The following COL22A1 variants were observed in gnomAD, a reference collection of about 807,000 sequenced individuals.
COL22A1 encodes collagen alpha-1(XXII) chain.
A neutral mutation model predicts 248.9 loss-of-function variants in COL22A1; 221 were observed. The observed-to-expected ratio is 0.89, with a 90% CI of 0.80 to 0.99. The LOEUF (loss-of-function observed/expected upper bound fraction) is 0.99, where lower values mean the gene tolerates loss of function less well. Among genes scored for constraint, COL22A1 ranks in the 50% least tolerant of loss-of-function variants. The pLI is 0.00. For synonymous variants in COL22A1, 891 were observed against 793.4 expected, an observed-to-expected ratio of 1.12 and a Z score of -2.07; for missense variants, 2,240 against 2,179.0, an observed-to-expected ratio of 1.03 and a Z score of -0.56.
chr8:138,850,621 T>C (rs1821567371), intron 3 of COL22A1, among the ~76,000 whole-genome samples: 1 of 152,170 alleles, frequency 6.6e-6, no homozygotes. Flanking sequence ...GCCAGGGCCA[T>C]CTGTCCTCTC....
intron 3 of COL22A1, among the ~76,000 whole-genome samples, chr8:138,867,594 G>A (rs1822995031): frequency 6.6e-6 from 1 of 152,104 alleles, no homozygotes; most frequent in African/African-American, 2.4e-5. Flanking sequence ...GGCAGACCTG[G>A]GATTCCACTC....
chr8:138,795,528 G>GACACAC lies in COL22A1; in HGVS notation c.1596+1285_1596+1290dup, dbSNP rs6150850. 5.3e-3 allele frequency among the ~76,000 whole-genome samples: 765 copies of GACACAC among 144,872 alleles called. 11 individuals carry two copies. The highest frequency in any genetic ancestry group is 0.017 in the African/African-American group (666 of 38,930). Reference sequence around the variant, plus strand: ...CTCTGTCTCTCCTCTCTCTCTTTCAGACACACACACACACACACACACACA... The same window carrying GACACAC: ...CTCTGTCTCTCCTCTCTCTCTTTCAGACACACACACACACACACACACACACACACA... On this transcript the variant is annotated intron_variant, in intron 12 of 64. Transcript: ENST00000303045.
At chr8:138,703,163 G>T in intron 31 of COL22A1, 143 bp downstream of exon 31, 1 of 692,924 alleles carries the variant, frequency 1.4e-6, no homozygotes, top group Non-Finnish European at 2.6e-6. Context: ...TTTTTGGTTT[G>T]TAGGACCTAG....
chr8:138,902,597 T>A (rs1563906882), intron 1 of COL22A1, among the ~76,000 whole-genome samples: 1 of 150,922 alleles, frequency 6.6e-6, no homozygotes, highest in Non-Finnish European at 1.5e-5. Context: ...TCCCAGCTAC[T>A]CGGGAGGTTG....
chr8:138,792,910 T>G (rs1423473391), intron 12 of COL22A1, among the ~76,000 whole-genome samples: 5 of 152,226 alleles, frequency 3.3e-5, no homozygotes, highest in African/African-American at 1.2e-4. Flanking sequence ...ACATACTAAC[T>G]GTGTGACCTT....
At chr8:138,790,263 G>A (rs956324629) in intron 12 of COL22A1, among the ~76,000 whole-genome samples, 6 of 152,082 alleles carry the variant, frequency 3.9e-5, no homozygotes, top group Non-Finnish European at 5.9e-5. Context: ...AAGGACAAAC[G>A]GGCTCTCTGG....
chr8:138,751,393 G>T, intron 22 of COL22A1, 65 bp downstream of exon 22: 1 of 1,106,326 alleles, frequency 9.0e-7, no homozygotes, highest in Non-Finnish European at 1.3e-6. Flanking sequence ...TCTCTGCATG[G>T]CATTATAAAA....
intron 3 of COL22A1, among the ~76,000 whole-genome samples, chr8:138,877,059 GAGGTCAGGCTTCC>G (rs1200504233): frequency 3.0e-4 from 46 of 152,234 alleles, no homozygotes; most frequent in Non-Finnish European, 2.9e-5. Context: ...CTAAATCCTG[GAGGTCAGGCTTCC>G]AGGTCAGAGC....
chr8:138,875,672 G>T (rs1182559948), intron 3 of COL22A1, among the ~76,000 whole-genome samples: 1 of 152,044 alleles, frequency 6.6e-6, no homozygotes, highest in African/African-American at 2.4e-5. Context: ...TCCTGCCTGG[G>T]ATGTCTCCTA....
At chr8:138,913,178 C>T (rs961769169) in intron 1 of COL22A1, among the ~76,000 whole-genome samples, 1 of 152,064 alleles carries the variant, frequency 6.6e-6, no homozygotes, top group African/African-American at 2.4e-5. Context: ...TCTTTCCCCA[C>T]CCCCTGCTCC....
chr8:138,712,101 A>G (rs980854335), intron 30 of COL22A1, among the ~76,000 whole-genome samples: 1 of 152,184 alleles, frequency 6.6e-6, no homozygotes, highest in African/African-American at 2.4e-5. Context: ...GCACTCAGTG[A>G]GCCTGCCACA....
At chr8:138,724,741 T>G in intron 24 of COL22A1, 73 bp from the exon 25 acceptor site, 2 of 1,461,906 alleles carry the variant, frequency 1.4e-6, no homozygotes, top group South Asian at 2.3e-5. Flanking sequence ...ACCTCTTTCC[T>G]GGCATGGGCC....
intron 3 of COL22A1, among the ~76,000 whole-genome samples, chr8:138,873,305 T>G (rs1321407142): frequency 6.6e-6 from 1 of 152,180 alleles, no homozygotes; most frequent in Non-Finnish European, 1.5e-5. Flanking sequence ...TTGGCTATAA[T>G]TTCAGATTTG....
At chr8:138,832,461 C>T (rs55940901) in intron 5 of COL22A1, among the ~76,000 whole-genome samples, 5,534 of 152,154 alleles carry the variant, frequency 0.036, 124 homozygotes, top group African/African-American at 0.058. Context: ...ATCTTTAGCC[C>T]CTGACTGGAG....
chr8:138,695,059 T>A (rs1312643821), intron 32 of COL22A1, among the ~76,000 whole-genome samples, 180 bp from the exon 33 acceptor site: 3 of 152,194 alleles, frequency 2.0e-5, no homozygotes, highest in South Asian at 4.1e-4. Context: ...TCCCCAGGAC[T>A]GATTCTGACT....
In COL22A1 at chr8:138,657,947, A is replaced by G. The variant is rs369936322; in HGVS notation, c.3286-2003T>C. ...GGCAGGGAATAGACTTGACTTGAAC[A>G]CACATTTTTTACTGTTTTTTTCCCC... On this transcript the variant is annotated intron_variant, in intron 44 of 64. Transcript: ENST00000303045. Among the ~76,000 whole-genome samples the G allele has an allele frequency of 1.5e-4, 23 of 148,972 alleles. No homozygotes were observed. In the East Asian group the frequency reaches 4.5e-3, roughly 29 times the overall value.
intron 26 of COL22A1, 51 bp downstream of exon 26, chr8:138,721,985 G>A (rs1330300067): frequency 7.2e-7 from 1 of 1,382,014 alleles, no homozygotes; most frequent in African/African-American, 1.4e-5. Flanking sequence ...CATCTCTTTA[G>A]TTTCTGTGTT....
At position 138,761,401 on chromosome 8, in the gene COL22A1, G is replaced by A. The variant is rs145185420; in HGVS notation, c.1857+1012C>T. 7.5e-4 allele frequency among the ~76,000 whole-genome samples: 114 copies of A among 152,262 alleles called. 2 individuals carry two copies. Among genetic ancestry groups the A allele is most frequent in the African/African-American group, 2.3e-3 (95 of 41,542 alleles). ...TGAATATTTTTTTAAATGGTTCCAC[G>A]TTTATGATACAATGTTGAAGGAAGA... On this transcript the variant is annotated intron_variant, in intron 17 of 64. Coordinates refer to ENST00000303045, the MANE Select transcript of COL22A1 (RefSeq NM_152888.3).
At chr8:138,819,609 A>T (rs1029989253) in intron 7 of COL22A1, among the ~76,000 whole-genome samples, 7 of 148,210 alleles carry the variant, frequency 4.7e-5, no homozygotes, top group Non-Finnish European at 7.4e-5. Context: ...TTATATATTT[A>T]TATATTATAT....
Sources: allele counts gnomAD v4.1 joint callset (sites outside exome capture counted in the v4.1 genomes callset), GRCh38; gene constraint gnomAD v4.1.1; transcripts MANE v1.5; gene names NCBI Gene and HGNC (gene_info 2026-07-23, HGNC 2026-07-21).